OAF: variants seen among roughly 807,000 people sequenced by gnomAD.
The protein encoded by OAF is out at first homolog, also known as out at first protein homolog.
In OAF, 13 loss-of-function variants were observed where a neutral mutation model predicts 22.5. The observed-to-expected ratio is 0.58, with a 90% CI of 0.38 to 0.92. The LOEUF (loss-of-function observed/expected upper bound fraction) is 0.92. OAF is among the 40% of genes least tolerant of loss of function. The probability of loss-of-function intolerance (pLI) is 0.00; values close to 1 mark genes in which losing one functional copy is unlikely to be tolerated. For synonymous variants in OAF, 175 were observed against 170.5 expected, an observed-to-expected ratio of 1.03 and a Z score of -0.21; for missense variants, 347 against 381.8, an observed-to-expected ratio of 0.91 and a Z score of 0.76.
chr11:120,214,400 C>T (rs1938185434), intron 1 of OAF, among the ~76,000 whole-genome samples: 1 of 152,208 alleles, frequency 6.6e-6, no homozygotes, highest in Admixed American at 6.5e-5. Flanking sequence ...CAGCAAGGAT[C>T]CTCTCTGCTA....
chr11:120,219,568 G>T (rs975271894), intron 1 of OAF, among the ~76,000 whole-genome samples: 1 of 152,166 alleles, frequency 6.6e-6, no homozygotes, highest in South Asian at 2.1e-4. Context: ...GTCTCTCAGC[G>T]CATTCCCCCA....
At chr11:120,224,411 C>T (rs1938325199) in intron 1 of OAF, among the ~76,000 whole-genome samples, 1 of 152,194 alleles carries the variant, frequency 6.6e-6, no homozygotes, top group African/African-American at 2.4e-5. Context: ...CACCACAACC[C>T]TGTCACATAA....
At chr11:120,221,325 C>T (rs1565342331) in intron 1 of OAF, among the ~76,000 whole-genome samples, 1 of 152,140 alleles carries the variant, frequency 6.6e-6, no homozygotes, top group African/African-American at 2.4e-5. Flanking sequence ...ACTTGCAAGC[C>T]CCAGAGGAGT....
At chr11:120,218,978 C>T (rs1336755349) in intron 1 of OAF, among the ~76,000 whole-genome samples, 6 of 149,740 alleles carry the variant, frequency 4.0e-5, no homozygotes, top group Non-Finnish European at 8.9e-5. Flanking sequence ...CACATGCACG[C>T]ATGTACACGT....
chr11:120,228,834 CCCT>C, intron 3 of OAF, 31 bp from the exon 4 acceptor site: 1 of 679,952 alleles, frequency 1.5e-6, no homozygotes, highest in Non-Finnish European at 2.4e-6. Flanking sequence ...CTCCCTCCCT[CCCT>C]CCCTCCCTGA....
Position 120,229,739 on chromosome 11 carries a change from T to G in OAF, c.*597T>G, listed in dbSNP as rs1051837901. ...GGAGACCTCCCATCACTGAGACAGA[T>G]CACAGACCACGAGTGCCTTTCCCGG... is the stretch of plus-strand genomic sequence containing the variant. On this transcript the variant is annotated 3_prime_UTR_variant, in exon 4 of 4. Transcript: ENST00000328965. 8.5e-5 allele frequency: 13 copies of G among 153,124 alleles called. No homozygotes were observed. Among genetic ancestry groups the G allele is most frequent in the African/African-American group, 3.1e-4 (13 of 41,420 alleles). The allele number at this position is 153,124 out of a possible 1,614,324, so 9.5% of individuals were successfully genotyped here. A position where few individuals can be genotyped will look rare whatever the true frequency, so the allele number is the denominator to read the frequency against.
intron 1 of OAF, among the ~76,000 whole-genome samples, chr11:120,215,792 T>C (rs1339351666): frequency 6.6e-6 from 1 of 152,160 alleles, no homozygotes; most frequent in Non-Finnish European, 1.5e-5. Flanking sequence ...GGCCAAAAGC[T>C]GGGAAGAGGA....
intron 2 of OAF, 122 bp downstream of exon 2, chr11:120,225,917 G>A (rs770868602): frequency 2.2e-5 from 17 of 790,372 alleles, no homozygotes; most frequent in Non-Finnish European, 3.0e-5. Flanking sequence ...AGCCAGCCTA[G>A]CTCTAAGCTC....
At position 120,211,276 on chromosome 11, in the gene OAF, G is replaced by A. The variant is rs1938139656; in HGVS notation, c.-4G>A. On this transcript the variant is annotated 5_prime_UTR_variant, in exon 1 of 4. Coordinates refer to ENST00000328965, the MANE Select transcript of OAF (RefSeq NM_178507.4). Reference sequence around the variant, plus strand: ...GGGGCCGCGGACGGCAGCGGCCCCCGGGGATGCGCCTTCCCGGGGTACCCC... The same window carrying A: ...GGGGCCGCGGACGGCAGCGGCCCCCAGGGATGCGCCTTCCCGGGGTACCCC... The A allele has an allele frequency of 8.2e-7, 1 of 1,224,708 alleles. No homozygotes were observed. Among genetic ancestry groups the A allele is most frequent in the East Asian group, 3.3e-5 (1 of 29,898 alleles). The allele number at this position is 1,224,708 out of a possible 1,614,324, so 75.9% of individuals were successfully genotyped here. A position where few individuals can be genotyped will look rare whatever the true frequency, so the allele number is the denominator to read the frequency against.
In OAF at chr11:120,229,206, G is replaced by C. The variant is rs1762918413; in HGVS notation, c.*64G>C. ...TGCTCTTCACCAGCCACTAGAGGGG[G>C]TGGCAACCCCCACCTGAGGCCTTAT... On this transcript the variant is annotated 3_prime_UTR_variant, in exon 4 of 4. Coordinates refer to ENST00000328965, the MANE Select transcript of OAF (RefSeq NM_178507.4). The C allele has an allele frequency of 1.3e-6, 2 of 1,491,280 alleles. No homozygotes were observed. Among genetic ancestry groups the C allele is most frequent in the East Asian group, 4.6e-5 (2 of 43,882 alleles). 92.4% of individuals were successfully genotyped at this position (1,491,280 alleles called of 1,614,324 possible).
intron 1 of OAF, among the ~76,000 whole-genome samples, chr11:120,216,213 G>T (rs992928708): frequency 1.3e-5 from 2 of 152,190 alleles, no homozygotes; most frequent in African/African-American, 4.8e-5. Flanking sequence ...AGCAACATGG[G>T]AAGCCTTGAG....
At chr11:120,228,825 T>TGCCCAG in intron 3 of OAF, 43 bp from the exon 4 acceptor site, 1 of 434,174 alleles carries the variant, frequency 2.3e-6, no homozygotes, top group East Asian at 5.5e-5. Flanking sequence ...GCTCCTTCCC[T>TGCCCAG]CCCTCCCTCC....
intron 1 of OAF, among the ~76,000 whole-genome samples, chr11:120,221,251 A>G (rs1938277002): frequency 6.6e-6 from 1 of 152,170 alleles, no homozygotes; most frequent in Non-Finnish European, 1.5e-5. Flanking sequence ...TCCCCTGCCC[A>G]GGTGTTTGTG....
intron 3 of OAF, 47 bp from the exon 4 acceptor site, chr11:120,228,821 T>TACCAACCCAG: frequency 1.9e-6 from 1 of 520,280 alleles, no homozygotes; most frequent in Non-Finnish European, 3.6e-6. Flanking sequence ...GGGAGCTCCT[T>TACCAACCCAG]CCCTCCCTCC....
At chr11:120,211,577 C>T in intron 1 of OAF, 67 bp downstream of exon 1, 1 of 1,158,308 alleles carries the variant, frequency 8.6e-7, no homozygotes, top group East Asian at 3.0e-5. Context: ...CAGGCGCTCT[C>T]TTGCCTGCAG....
At chr11:120,223,955 G>A (rs372896548) in intron 1 of OAF, among the ~76,000 whole-genome samples, 11 of 152,214 alleles carry the variant, frequency 7.2e-5, no homozygotes, top group South Asian at 4.1e-4. Context: ...AGGCAGAGCA[G>A]CCTCCCATCT....
Position 120,229,374 on chromosome 11 carries a change from G to T in OAF, c.*232G>T. 7 of 424,120 alleles carry T rather than the reference G, an allele frequency of 1.7e-5. No individual in the cohort carries two copies. The highest frequency in any genetic ancestry group is 2.7e-5 in the South Asian group (1 of 36,692). The allele number at this position is 424,120 out of a possible 1,614,324, so 26.3% of individuals were successfully genotyped here. Reference sequence around the variant, plus strand: ...CCTGTGCCTTCCTTGCGGGCAGAGAGGGAGAGAAGGGCTCCCCAGATCTAC... The same window carrying T: ...CCTGTGCCTTCCTTGCGGGCAGAGATGGAGAGAAGGGCTCCCCAGATCTAC... On this transcript the variant is annotated 3_prime_UTR_variant, in exon 4 of 4. Transcript: ENST00000328965.
intron 1 of OAF, among the ~76,000 whole-genome samples, chr11:120,222,304 T>C (rs7947180): frequency 0.039 from 5,876 of 152,202 alleles, 365 homozygotes; most frequent in African/African-American, 0.13. Flanking sequence ...ACACCTGTAA[T>C]CCCAGCACTT....
chr11:120,225,841 C>T lies in OAF; in HGVS notation c.366+46C>T, dbSNP rs752465584. 3.2e-6 allele frequency: 5 copies of T among 1,559,734 alleles called. No individual in the cohort carries two copies. In the African/African-American group the frequency reaches 4.2e-5, roughly 13 times the overall value. ...GCCTGGCCCAGGTCCTGACCCGCAG[C>T]AGACCCGGCCCAGATCCCATCCCGC... On this transcript the variant is annotated intron_variant, in intron 2 of 3. Coordinates refer to ENST00000328965, the MANE Select transcript of OAF (RefSeq NM_178507.4).
Sources: allele counts gnomAD v4.1 joint callset (sites outside exome capture counted in the v4.1 genomes callset), GRCh38; gene constraint gnomAD v4.1.1; transcripts MANE v1.5; gene names NCBI Gene and HGNC (gene_info 2026-07-23, HGNC 2026-07-21).